The following ESR1 variants were observed in gnomAD, a reference collection of about 807,000 sequenced individuals.
ESR1 encodes the protein estrogen receptor.
ESR1 carries 12 observed loss-of-function variants against 52.7 expected under a neutral mutation model. The ratio of observed to expected loss-of-function variants is 0.23; its 90% confidence interval spans 0.15 to 0.37. The LOEUF is 0.37. Ranked by LOEUF, ESR1 falls within the 10% of genes least tolerant of loss-of-function variation. The pLI is 1.00. For synonymous variants in ESR1, 305 were observed against 316.8 expected (o/e 0.96, Z 0.39); for missense variants, 584 against 779.7 (o/e 0.75, Z 2.99).
At chr6:151,880,522 G>A (rs1792722127) in intron 2 of ESR1, 133 bp from the exon 3 acceptor site, 15 of 748,166 alleles carry the variant, frequency 2.0e-5, no homozygotes, top group South Asian at 1.8e-4. Context: ...ACAGAAAAAG[G>A]CAGGCAGGCT....
At chr6:152,007,499 C>T (rs1584778746) in intron 4 of ESR1, among the ~76,000 whole-genome samples, 2 of 152,070 alleles carry the variant, frequency 1.3e-5, no homozygotes, top group Admixed American at 1.3e-4. Context: ...GAGGAGTGAG[C>T]ATTTTAAGGC....
intron 3 of ESR1, among the ~76,000 whole-genome samples, chr6:151,888,455 C>CT (rs1225740240): frequency 6.6e-6 from 1 of 151,614 alleles, no homozygotes; most frequent in Non-Finnish European, 1.5e-5. Flanking sequence ...TTCTTGATTT[C>CT]TTTTTTTGGA....
chr6:151,726,644 T>A (rs959978040), intron 2 of ESR1, among the ~76,000 whole-genome samples: 1 of 152,196 alleles, frequency 6.6e-6, no homozygotes, highest in African/African-American at 2.4e-5. Context: ...TCAAGAGTTT[T>A]AAAAAAATTT....
At chr6:151,944,631 C>T in intron 4 of ESR1, 123 bp downstream of exon 4, 1 of 826,336 alleles carries the variant, frequency 1.2e-6, no homozygotes, top group Non-Finnish European at 2.0e-6. Context: ...TTCAAGGTTA[C>T]AGGAGATGTG....
At chr6:151,981,792 G>T (rs886354756) in intron 4 of ESR1, among the ~76,000 whole-genome samples, 3 of 152,148 alleles carry the variant, frequency 2.0e-5, no homozygotes, top group African/African-American at 7.2e-5. Context: ...TACTCCATCG[G>T]TAGACATAGT....
intron 1 of ESR1, among the ~76,000 whole-genome samples, chr6:151,661,127 AAT>A (rs71726044): frequency 0.21 from 32,240 of 152,166 alleles, 4,202 homozygotes; most frequent in Non-Finnish European, 0.28. Flanking sequence ...CAATTAAAAA[AAT>A]AATGTAATGC....
At chr6:151,857,682 C>T (rs1303374571) in intron 2 of ESR1, among the ~76,000 whole-genome samples, 2 of 152,082 alleles carry the variant, frequency 1.3e-5, no homozygotes, top group Non-Finnish European at 2.9e-5. Context: ...GCGCCTGCCA[C>T]CATGCCTGGC....
chr6:151,789,549 T>C (rs1165513290), intron 2 of ESR1, among the ~76,000 whole-genome samples: 2 of 152,208 alleles, frequency 1.3e-5, no homozygotes, highest in Non-Finnish European at 2.9e-5. Flanking sequence ...CTTGAAGGAA[T>C]AGAAATGTGA....
At chr6:151,685,109 T>C (rs1310287727) in intron 1 of ESR1, among the ~76,000 whole-genome samples, 6 of 13,816 alleles carry the variant, frequency 4.3e-4, no homozygotes, top group Non-Finnish European at 2.8e-4. Flanking sequence ...ACTGGCCTCT[T>C]TTTTTTTTTT....
chr6:151,722,111 G>A (rs1270295232), intron 2 of ESR1, among the ~76,000 whole-genome samples: 1 of 152,238 alleles, frequency 6.6e-6, no homozygotes, highest in Non-Finnish European at 1.5e-5. Context: ...GGGAATAATT[G>A]AGGTCAGGAA....
intron 3 of ESR1, among the ~76,000 whole-genome samples, chr6:151,923,251 T>C (rs1374512783): frequency 1.3e-5 from 2 of 152,164 alleles, no homozygotes; most frequent in African/African-American, 4.8e-5. Flanking sequence ...TAAATTCTTT[T>C]GTAATATTGT....
intron 3 of ESR1, among the ~76,000 whole-genome samples, chr6:151,913,344 A>G (rs963912536): frequency 6.6e-6 from 1 of 152,186 alleles, no homozygotes; most frequent in African/African-American, 2.4e-5. Context: ...AGGTCTGTGA[A>G]TGGACCTCAT....
intron 2 of ESR1, among the ~76,000 whole-genome samples, chr6:151,852,447 A>G (rs1786942930): frequency 6.6e-6 from 1 of 152,190 alleles, no homozygotes; most frequent in Admixed American, 6.5e-5. Context: ...CACTCTTATT[A>G]TAAAAAGTGT....
intron 2 of ESR1, among the ~76,000 whole-genome samples, chr6:151,779,359 C>G (rs1390574221): frequency 6.6e-6 from 1 of 152,000 alleles, no homozygotes; most frequent in Non-Finnish European, 1.5e-5. Flanking sequence ...AATCCTTTCC[C>G]CATAAGGATA....
intron 2 of ESR1, among the ~76,000 whole-genome samples, chr6:151,731,070 T>C (rs1048833206): frequency 2.6e-5 from 4 of 152,112 alleles, no homozygotes; most frequent in Non-Finnish European, 4.4e-5. Context: ...AGAATGTGGG[T>C]GCAGGCTGGA....
At chr6:152,009,717 T>A (rs1187877512) in intron 4 of ESR1, among the ~76,000 whole-genome samples, 1 of 152,186 alleles carries the variant, frequency 6.6e-6, no homozygotes, top group East Asian at 1.9e-4. Context: ...TATACAGATA[T>A]CCTACTCTTA....
At chr6:151,711,288 C>G (rs1292189681) in intron 2 of ESR1, among the ~76,000 whole-genome samples, 1 of 151,154 alleles carries the variant, frequency 6.6e-6, no homozygotes, top group Middle Eastern at 3.2e-3. Flanking sequence ...GTGGTGCAAT[C>G]TTGGCTCACT....
intron 1 of ESR1, among the ~76,000 whole-genome samples, chr6:151,812,341 G>C (rs1778957562): frequency 6.6e-6 from 1 of 152,130 alleles, no homozygotes; most frequent in African/African-American, 2.4e-5. Flanking sequence ...TAAGTGGTCA[G>C]GAATTTTGTT....
rs76404804 is a variant in ESR1, at chr6:152,006,215, A to T, written c.1097-5441A>T. On this transcript the variant is annotated intron_variant, in intron 4 of 7. Coordinates refer to ENST00000206249, the MANE Select transcript of ESR1 (RefSeq NM_000125.4). Reference sequence around the variant, plus strand: ...TGTTGCATTTATTTTATTTTCTAACAGTAGTACATATTTGGTAAGAGTTGT... The same window carrying T: ...TGTTGCATTTATTTTATTTTCTAACTGTAGTACATATTTGGTAAGAGTTGT... 2.3e-4 allele frequency among the ~76,000 whole-genome samples: 35 copies of T among 152,188 alleles called. No homozygotes were observed. In the East Asian group the frequency reaches 5.0e-3, roughly 22 times the overall value.
Sources: allele counts gnomAD v4.1 joint callset (sites outside exome capture counted in the v4.1 genomes callset), GRCh38; gene constraint gnomAD v4.1.1; transcripts MANE v1.5; gene names NCBI Gene and HGNC (gene_info 2026-07-23, HGNC 2026-07-21).